The following AGGF1 variants were observed in gnomAD, a reference collection of about 807,000 sequenced individuals.
AGGF1 encodes the protein angiogenic factor with G patch and FHA domains 1.
AGGF1 carries 56 observed loss-of-function variants against 86.5 expected under a neutral mutation model. The ratio of observed to expected loss-of-function variants is 0.65; its 90% confidence interval spans 0.52 to 0.81. The LOEUF (loss-of-function observed/expected upper bound fraction) is 0.81, where lower values mean the gene tolerates loss of function less well. AGGF1 is among the 30% of genes least tolerant of loss of function. The pLI is 0.00. For missense variants in AGGF1, 816 were observed against 850.9 expected (o/e 0.96, Z 0.51); for synonymous variants, 313 against 297.1 (o/e 1.05, Z -0.55).
intron 5 of AGGF1, among the ~76,000 whole-genome samples, chr5:77,042,637 A>AC (rs1208911197): frequency 1.4e-4 from 4 of 28,398 alleles, no homozygotes; most frequent in Admixed American, 4.0e-4. Context: ...CGGGGGGCTG[A>AC]CCCCCCCACC....
intron 8 of AGGF1, among the ~76,000 whole-genome samples, chr5:77,050,895 T>TG (rs1240465528): frequency 6.6e-6 from 1 of 152,222 alleles, no homozygotes; most frequent in Non-Finnish European, 1.5e-5. Flanking sequence ...ATATCATGGT[T>TG]AATATATGAA....
intron 5 of AGGF1, among the ~76,000 whole-genome samples, chr5:77,046,098 C>T (rs189398119): frequency 1.8e-4 from 28 of 152,050 alleles, no homozygotes; most frequent in Non-Finnish European, 3.2e-4. Context: ...TGTAGCACTT[C>T]GTAATTTTAT....
At position 77,061,734 on chromosome 5, in the gene AGGF1, A is replaced by G; in HGVS notation, c.1876A>G (p.Met626Val). 6.5e-7 allele frequency: 1 copy of G among 1,529,056 alleles called. No homozygotes were observed. The highest frequency in any genetic ancestry group is 8.9e-7 in the Non-Finnish European group (1 of 1,127,078). The allele number at this position is 1,529,056 out of a possible 1,614,324, so 94.7% of individuals were successfully genotyped here. ...TACTGATAGCAACAAAGGTCGGAAGATGTTGGAGAAGATGGGTTGGAAGAA... is the reference window on the plus strand; with the variant it reads ...TACTGATAGCAACAAAGGTCGGAAGGTGTTGGAGAAGATGGGTTGGAAGAA... ...EITDSNKGRK[M>V]LEKMGWKKGE... The change falls in exon 13 of 14, where the codon ATG (methionine) becomes GTG (valine). Residue 626 changes from methionine to valine, a missense_variant. Physicochemically the swap from Met to Val is conservative, Grantham distance 21 (BLOSUM62 1). This residue lies in a region of AGGF1 where 565 missense variants were observed against 585.8 expected (regional missense o/e 0.96). Transcript: ENST00000312916.
chr5:77,056,520 G>A (rs1460279034), intron 11 of AGGF1, among the ~76,000 whole-genome samples: 2 of 151,482 alleles, frequency 1.3e-5, no homozygotes, highest in Non-Finnish European at 2.9e-5. Context: ...GAGCCACTGT[G>A]CCCGGCCAAG....
chr5:77,039,271 C>T (rs565840838), intron 4 of AGGF1, among the ~76,000 whole-genome samples: 42 of 151,912 alleles, frequency 2.8e-4, no homozygotes, highest in Non-Finnish European at 4.6e-4. Context: ...TAAAAGTGGT[C>T]AAGTATTGAC....
rs1358883286 is a variant in AGGF1 at position 77,045,442 on chromosome 5, C to A, written c.871-905C>A. ...CATGTTGTACATGATAAAAATACAT[C>A]ATTTTTGTTAATTAAAAAATGTTCA... On this transcript the variant is annotated intron_variant, in intron 5 of 13. Coordinates refer to ENST00000312916, the MANE Select transcript of AGGF1 (RefSeq NM_018046.5). Among the ~76,000 whole-genome samples, 8 of 149,830 alleles carry A rather than the reference C, an allele frequency of 5.3e-5. No individual in the cohort carries two copies. The South Asian group carries it at 1.3e-3, about 24-fold the overall frequency.
At chr5:77,059,311 T>C (rs542600716) in intron 11 of AGGF1, among the ~76,000 whole-genome samples, 177 of 152,332 alleles carry the variant, frequency 1.2e-3, no homozygotes, top group African/African-American at 4.2e-3. Flanking sequence ...GTAGCATATC[T>C]AATATGACAA....
rs1746833726 is a variant in AGGF1, at chr5:77,030,872, C to T, written c.106C>T (p.Leu36=). 2 of 1,613,426 alleles carry T rather than the reference C, an allele frequency of 1.2e-6. No homozygotes were observed. Among genetic ancestry groups the T allele is most frequent in the South Asian group, 2.2e-5 (2 of 91,088 alleles). ...RRKVEKLERE[L]RSCKRQVREI... is the part of the protein sequence containing the mutation. Reference sequence around the variant, plus strand: ...GAAGGTGGAGAAGTTGGAACGTGAACTGCGGAGCTGCAAGCGGCAGGTGCG... The same window carrying T: ...GAAGGTGGAGAAGTTGGAACGTGAATTGCGGAGCTGCAAGCGGCAGGTGCG... Residue 36 remains leucine, a synonymous_variant, in exon 1 of 14, where the codon CTG becomes TTG. Transcript: ENST00000312916.
chr5:77,064,257 CA>C lies in AGGF1; in HGVS notation c.*1006del, dbSNP rs1580139599. 3 of 152,576 alleles carry C rather than the reference CA, an allele frequency of 2.0e-5. No individual in the cohort carries two copies. In the East Asian group the frequency reaches 5.8e-4, roughly 29 times the overall value. 9.5% of individuals were successfully genotyped at this position (152,576 alleles called of 1,614,324 possible). A position where few individuals can be genotyped will look rare whatever the true frequency, so the allele number is the denominator to read the frequency against. ...CTGGGCACAGGTGTCACTGCTCTGC[CA>C]CCTATCACTATTCTTTTTCTGTTCA... On this transcript the variant is annotated 3_prime_UTR_variant, in exon 14 of 14. Transcript: ENST00000312916.
chr5:77,031,733 G>A (rs1746857085), intron 1 of AGGF1, among the ~76,000 whole-genome samples: 1 of 151,966 alleles, frequency 6.6e-6, no homozygotes, highest in Non-Finnish European at 1.5e-5. Flanking sequence ...ATTTAGCCGG[G>A]CGTCTCTACT....
In AGGF1 at chr5:77,030,589, C is replaced by A. The variant is rs763775186; in HGVS notation, c.-178C>A. 9.1e-6 allele frequency: 7 copies of A among 767,342 alleles called. 1 individual carries two copies. The South Asian group carries it at 1.0e-4, about 11-fold the overall frequency. The allele number at this position is 767,342 out of a possible 1,614,324, so 47.5% of individuals were successfully genotyped here. ...CCTCGGTCCCCTTGCTCGTTGCTCGCAGCCCCGTTCGGCTACAAGTGAGTT... is the reference window on the plus strand; with the variant it reads ...CCTCGGTCCCCTTGCTCGTTGCTCGAAGCCCCGTTCGGCTACAAGTGAGTT... On this transcript the variant is annotated 5_prime_UTR_variant, in exon 1 of 14. Transcript: ENST00000312916.
At chr5:77,049,642 C>T (rs1470288006) in intron 8 of AGGF1, among the ~76,000 whole-genome samples, 2 of 151,314 alleles carry the variant, frequency 1.3e-5, no homozygotes, top group South Asian at 2.1e-4. Flanking sequence ...CTCATCTTCC[C>T]GGGTTCAAGC....
chr5:77,063,260 T>C lies in AGGF1; in HGVS notation c.*8T>C. The C allele has an allele frequency of 6.2e-7, 1 of 1,602,624 alleles. No individual in the cohort carries two copies. The highest frequency in any genetic ancestry group is 2.2e-5 in the East Asian group (1 of 44,744). On this transcript the variant is annotated 3_prime_UTR_variant, in exon 14 of 14. Coordinates refer to ENST00000312916, the MANE Select transcript of AGGF1 (RefSeq NM_018046.5). ...AAAGGGACTTTAGAGTGAAGGCTAA[T>C]CATAGAAAAAAAACCTCTAGTTTTT...
Position 77,052,787 on chromosome 5 carries a change from A to G in AGGF1, c.1447A>G (p.Asn483Asp), listed in dbSNP as rs1297221855. 6.2e-7 allele frequency: 1 copy of G among 1,613,326 alleles called. No individual in the cohort carries two copies. Reference sequence around the variant, plus strand: ...AGGCAGTCAAAATGGCACAATTGTTAATGGAAAACAGATTCTTCAGGTGAG... The same window carrying G: ...AGGCAGTCAAAATGGCACAATTGTTGATGGAAAACAGATTCTTCAGGTGAG... ...DQGSQNGTIV[N>D]GKQILQPKTK... is the part of the protein sequence containing the mutation. Residue 483 changes from asparagine to aspartate, a missense_variant, in exon 9 of 14, where the codon AAT becomes GAT. Transcript: ENST00000312916.
At position 77,030,476 on chromosome 5, in the gene AGGF1, C is replaced by T; in HGVS notation, c.-291C>T. 3 of 610,116 alleles carry T rather than the reference C, an allele frequency of 4.9e-6. 1 individual carries two copies. Among genetic ancestry groups the T allele is most frequent in the Non-Finnish European group, 9.2e-6 (3 of 326,590 alleles). 37.8% of individuals were successfully genotyped at this position (610,116 alleles called of 1,614,324 possible). The stretch of plus-strand genomic sequence containing the variant: ...TCTGGTTTTCCGACTGCTTATCCGA[C>T]GCTCCTCCCTCTGTCTCTGTAGCTG... On this transcript the variant is annotated 5_prime_UTR_variant, in exon 1 of 14. The change creates a new upstream start codon in the 5' untranslated region. Coordinates refer to ENST00000312916, the MANE Select transcript of AGGF1 (RefSeq NM_018046.5).
intron 8 of AGGF1, 126 bp from the exon 9 acceptor site, chr5:77,052,580 A>G (rs1453517542): frequency 4.6e-6 from 3 of 645,934 alleles, no homozygotes; most frequent in East Asian, 5.6e-5. Context: ...GTGTTTCTAA[A>G]AAAGTATTAA....
intron 8 of AGGF1, among the ~76,000 whole-genome samples, chr5:77,049,824 ACAGGCGTGAGC>A (rs1324542001): frequency 1.3e-5 from 2 of 152,148 alleles, no homozygotes; most frequent in African/African-American, 4.8e-5. Context: ...TGTTGGGATT[ACAGGCGTGAGC>A]CACCGCGTCT....
At chr5:77,038,870 T>G (rs1346409145) in intron 4 of AGGF1, among the ~76,000 whole-genome samples, 1 of 152,174 alleles carries the variant, frequency 6.6e-6, no homozygotes, top group East Asian at 1.9e-4. Context: ...TTCTGGTTTT[T>G]AAATCTGTAA....
At position 77,030,747 on chromosome 5, in the gene AGGF1, G is replaced by C; in HGVS notation, c.-20G>C. On this transcript the variant is annotated 5_prime_UTR_variant, in exon 1 of 14. Coordinates refer to ENST00000312916, the MANE Select transcript of AGGF1 (RefSeq NM_018046.5). ...GAACGCAGCCCCTCCGCGGCGACGAGCAGTCTCGCGCCGGAGCTCATGGCC... is the reference window on the plus strand; with the variant it reads ...GAACGCAGCCCCTCCGCGGCGACGACCAGTCTCGCGCCGGAGCTCATGGCC... 6.4e-7 allele frequency: 1 copy of C among 1,555,672 alleles called. No homozygotes were observed. The highest frequency in any genetic ancestry group is 8.6e-7 in the Non-Finnish European group (1 of 1,157,534).
Sources: gnomAD v4.1 joint callset for allele counts (sites outside exome capture counted in the v4.1 genomes callset) on GRCh38, gnomAD v4.1.1 for gene constraint, gnomAD v4.1.1 regional missense constraint, MANE v1.5 for transcripts, NCBI Gene and HGNC (gene_info 2026-07-23, HGNC 2026-07-21) for gene names.